Variants in LNX2 observed in about 807,000 individuals in gnomAD.
The protein encoded by LNX2 is ligand of numb-protein X 2, also known as ligand of Numb protein X 2.
LNX2 carries 35 observed loss-of-function variants against 66.2 expected under a neutral mutation model. The observed-to-expected ratio is 0.53, with a 90% CI of 0.40 to 0.70. The LOEUF (loss-of-function observed/expected upper bound fraction) is 0.70. Among genes scored for constraint, LNX2 ranks in the 30% least tolerant of loss-of-function variants. The probability of loss-of-function intolerance (pLI) is 0.00; values close to 1 mark genes in which losing one functional copy is unlikely to be tolerated. For missense variants in LNX2, 791 were observed against 850.8 expected (o/e 0.93, Z 0.87); for synonymous variants, 337 against 315.6 (o/e 1.07, Z -0.72).
At position 27,583,216 on chromosome 13, in the gene LNX2, GT is replaced by G. The variant is rs1955428690; in HGVS notation, c.-100-1414del. ...TGTGTGTGTGTGTGTGTGTGTGTGT[GT>G]GTGTGTGTGTGTGTGTGTGTGTGTG... On this transcript the variant is annotated intron_variant, in intron 1 of 9. Coordinates refer to ENST00000316334, the MANE Select transcript of LNX2 (RefSeq NM_153371.4). Among the ~76,000 whole-genome samples the G allele has an allele frequency of 7.9e-4, 14 of 17,730 alleles. 4 individuals are homozygous for G. The highest frequency in any genetic ancestry group is 2.5e-3 in the South Asian group (1 of 398). The allele number at this position is 17,730 out of a possible 152,430, so 11.6% of individuals were successfully genotyped here. A position where few individuals can be genotyped will look rare whatever the true frequency, so the allele number is the denominator to read the frequency against.
chr13:27,559,247 G>A (rs1350255017), intron 6 of LNX2, among the ~76,000 whole-genome samples: 1 of 152,074 alleles, frequency 6.6e-6, no homozygotes, highest in African/African-American at 2.4e-5. Flanking sequence ...TGAAGAAACA[G>A]TAACAAAGCT....
chr13:27,616,449 C>T (rs535572224), intron 1 of LNX2, among the ~76,000 whole-genome samples: 14 of 152,184 alleles, frequency 9.2e-5, no homozygotes, highest in East Asian at 7.7e-4. Flanking sequence ...AAGTCATGTC[C>T]GACCTCCACT....
At chr13:27,564,752 C>T (rs372401999) in intron 4 of LNX2, among the ~76,000 whole-genome samples, 3 of 152,208 alleles carry the variant, frequency 2.0e-5, no homozygotes, top group East Asian at 1.9e-4. Context: ...AACCATCTTA[C>T]TGCCTCTTCG....
intron 5 of LNX2, among the ~76,000 whole-genome samples, chr13:27,560,493 G>C (rs1955117902): frequency 1.3e-5 from 2 of 149,800 alleles, no homozygotes; most frequent in Admixed American, 1.3e-4. Context: ...TCAAAAGTAG[G>C]ATATCGGCTT....
chr13:27,557,150 T>C (rs79418735), intron 6 of LNX2, among the ~76,000 whole-genome samples: 2,585 of 152,216 alleles, frequency 0.017, 87 homozygotes, highest in African/African-American at 0.059. Context: ...GATGTACATA[T>C]GCAATATTAA....
At chr13:27,582,627 C>T (rs1181535889) in intron 1 of LNX2, among the ~76,000 whole-genome samples, 2 of 152,036 alleles carry the variant, frequency 1.3e-5, no homozygotes, top group Admixed American at 6.6e-5. Context: ...AATTCAGAAT[C>T]AACTAACACA....
At chr13:27,601,414 C>T (rs376013472) in intron 1 of LNX2, among the ~76,000 whole-genome samples, 3 of 152,168 alleles carry the variant, frequency 2.0e-5, no homozygotes, top group Admixed American at 6.5e-5. Flanking sequence ...TTATAACACC[C>T]TATCTGCAGA....
intron 1 of LNX2, among the ~76,000 whole-genome samples, chr13:27,597,979 C>A (rs1385071025): frequency 6.6e-6 from 1 of 152,052 alleles, no homozygotes. Context: ...AATCCATTTA[C>A]TATTTTACTC....
chr13:27,579,807 T>C (rs1380246975), intron 2 of LNX2, among the ~76,000 whole-genome samples: 1 of 152,190 alleles, frequency 6.6e-6, no homozygotes, highest in Non-Finnish European at 1.5e-5. Context: ...CAGCCATAAC[T>C]AGTCCTGACT....
At chr13:27,606,588 A>G (rs1955719748) in intron 1 of LNX2, among the ~76,000 whole-genome samples, 1 of 152,212 alleles carries the variant, frequency 6.6e-6, no homozygotes, top group South Asian at 2.1e-4. Context: ...GGTACAGAAC[A>G]GTATGAGTTT....
chr13:27,578,687 T>A (rs1487568766), intron 2 of LNX2, among the ~76,000 whole-genome samples: 1 of 152,196 alleles, frequency 6.6e-6, no homozygotes. Flanking sequence ...GAAGGCTACC[T>A]GTAGCCTCTC....
rs542233066 is a variant in LNX2 at position 27,618,628 on chromosome 13, C to G, written c.-101+1747G>C. ...TCTTAATCTGGTATAAAAAATCCTT[C>G]ATTTTTCTGTTCAAGTCAATTCAGT... On this transcript the variant is annotated intron_variant, in intron 1 of 9. Coordinates refer to ENST00000316334, the MANE Select transcript of LNX2 (RefSeq NM_153371.4). 2.0e-5 allele frequency among the ~76,000 whole-genome samples: 3 copies of G among 152,318 alleles called. No homozygotes were observed. In the South Asian group the frequency reaches 6.2e-4, roughly 32 times the overall value.
intron 1 of LNX2, among the ~76,000 whole-genome samples, chr13:27,596,824 CAATTG>C (rs745339138): frequency 3.5e-4 from 53 of 152,228 alleles, no homozygotes; most frequent in Non-Finnish European, 6.6e-4. Context: ...CAAGGAAATA[CAATTG>C]AATAGAGCCA....
In LNX2 at chr13:27,569,204, C is replaced by A; in HGVS notation, c.480G>T (p.Glu160Asp). The A allele has an allele frequency of 6.2e-7, 1 of 1,613,332 alleles. No homozygotes were observed. The highest frequency in any genetic ancestry group is 1.1e-5 in the South Asian group (1 of 90,994). The change falls in exon 3 of 10, where the codon GAG becomes GAT. Residue 160 changes from glutamate to aspartate, a missense_variant. By Grantham distance (45) the Glu-to-Asp change is conservative. Transcript: ENST00000316334. ...CTAGTAGAGTGGGCCCATTTTCATT[C>A]TCAATCTCTGCTTGAGTTCTACTAG... ...RKTSRTQAEI[E>D]NENGPTLLDP...
At chr13:27,561,413 T>C (rs1955134274) in intron 5 of LNX2, among the ~76,000 whole-genome samples, 1 of 152,184 alleles carries the variant, frequency 6.6e-6, no homozygotes, top group Admixed American at 6.5e-5. Flanking sequence ...TCTTACAAGA[T>C]GAGCTGGGTT....
intron 1 of LNX2, among the ~76,000 whole-genome samples, chr13:27,618,526 A>T (rs1955851387): frequency 6.6e-6 from 1 of 152,150 alleles, no homozygotes; most frequent in South Asian, 2.1e-4. Flanking sequence ...ATCTTTCTGG[A>T]ATGCTTACCC....
intron 2 of LNX2, among the ~76,000 whole-genome samples, chr13:27,576,629 G>A (rs1955342980): frequency 6.6e-6 from 1 of 151,900 alleles, no homozygotes; most frequent in Non-Finnish European, 1.5e-5. Flanking sequence ...GGATGCTGAG[G>A]CACAAGAGTC....
At chr13:27,564,560 A>G (rs1471152832) in intron 4 of LNX2, among the ~76,000 whole-genome samples, 4 of 152,162 alleles carry the variant, frequency 2.6e-5, no homozygotes, top group Non-Finnish European at 5.9e-5. Flanking sequence ...CTGCATATGA[A>G]ACTCTAAGAG....
intron 9 of LNX2, among the ~76,000 whole-genome samples, chr13:27,549,910 G>A (rs77123356): frequency 0.044 from 6,663 of 152,276 alleles, 207 homozygotes; most frequent in Non-Finnish European, 0.067. Context: ...GACCTGAGTA[G>A]GCTGTGTGGG....
Sources: gnomAD v4.1 joint callset for allele counts (sites outside exome capture counted in the v4.1 genomes callset) on GRCh38, gnomAD v4.1.1 for gene constraint, MANE v1.5 for transcripts, NCBI Gene and HGNC (gene_info 2026-07-23, HGNC 2026-07-21) for gene names.